The following ZNF112 variants were observed in gnomAD, a reference collection of about 807,000 sequenced individuals.
ZNF112 encodes zinc finger protein 112 (Y14).
A neutral mutation model predicts 77.7 loss-of-function variants in ZNF112; 37 were observed. That is an observed-to-expected ratio of 0.48 (90% CI 0.37 to 0.63). The LOEUF is 0.63. ZNF112 is among the 20% of genes least tolerant of loss of function. ZNF112 has a pLI of 0.00. For synonymous variants in ZNF112, 333 were observed against 363.6 expected (o/e 0.92, Z 0.96); for missense variants, 950 against 1,077.4 (o/e 0.88, Z 1.66).
chr19:44,354,482 T>C (rs1047670021), intron 1 of ZNF112, among the ~76,000 whole-genome samples: 1 of 152,174 alleles, frequency 6.6e-6, no homozygotes, highest in Non-Finnish European at 1.5e-5. Flanking sequence ...TTTTAGATTA[T>C]CAAAACATAA....
At chr19:44,354,292 G>A (rs958444456) in intron 1 of ZNF112, among the ~76,000 whole-genome samples, 16 of 152,022 alleles carry the variant, frequency 1.1e-4, no homozygotes, top group Admixed American at 4.6e-4. Flanking sequence ...TACGGTAGTC[G>A]TTATACAAAC....
chr19:44,358,945 T>TA (rs1394518984), upstream of ZNF112, among the ~76,000 whole-genome samples: 4 of 152,136 alleles, frequency 2.6e-5, no homozygotes, highest in African/African-American at 9.7e-5. Context: ...AGATATACTA[T>TA]ATCCTGTGCC....
At chr19:44,343,382 G>C in intron 1 of ZNF112, 7 of 1,191,372 alleles carry the variant, frequency 5.9e-6, no homozygotes, top group Non-Finnish European at 7.3e-6. Flanking sequence ...AGAAAAAGGT[G>C]TCCCTTCCCC....
At position 44,353,277 on chromosome 19, in the gene ZNF112, A is replaced by C. The variant is rs189705422; in HGVS notation, c.-4+3349T>G. On this transcript the variant is annotated intron_variant, in intron 1 of 3. Transcript: ENST00000354340. ...AAAAGTTAAAATGGATCACAGATTT[A>C]AGTGTAAAACCATAAAACTTCTAGA... Among the ~76,000 whole-genome samples, 49 of 152,248 alleles carry C rather than the reference A, an allele frequency of 3.2e-4. 1 individual carries two copies. Among genetic ancestry groups the C allele is most frequent in the African/African-American group, 1.1e-3 (46 of 41,578 alleles).
rs147887844 is a variant in ZNF112, at chr19:44,329,755, G to A, written c.402C>T (p.Leu134=). 3.2e-5 allele frequency: 51 copies of A among 1,613,978 alleles called. No homozygotes were observed. In the African/African-American group the frequency reaches 4.4e-4, roughly 14 times the overall value. Residue 134 remains leucine, a synonymous_variant, in exon 4 of 4, where the codon CTC becomes CTT. Coordinates refer to ENST00000354340, the MANE Select transcript of ZNF112 (RefSeq NM_013380.4). ...CTGGTATTCCTGCCCAAACCTGGCC[G>A]AGGGAATTACCTTGTTCTTGCAACT... ...NSQLQEQGNS[L]GQVWAGIPVQ...
intron 1 of ZNF112, among the ~76,000 whole-genome samples, chr19:44,362,129 A>T (rs1213583437): frequency 1.3e-5 from 2 of 152,312 alleles, no homozygotes; most frequent in Non-Finnish European, 2.9e-5. Context: ...GGATTAGAGA[A>T]GGAAGCAGAT....
chr19:44,346,430 G>A (rs533542269), intron 1 of ZNF112, among the ~76,000 whole-genome samples: 47 of 152,266 alleles, frequency 3.1e-4, no homozygotes, highest in South Asian at 1.7e-3. Flanking sequence ...TCATCACTAT[G>A]AAATAAATCT....
In ZNF112 at chr19:44,346,418, T is replaced by C; in HGVS notation, c.-3-5876A>G. On this transcript the variant is annotated intron_variant, in intron 1 of 3. Transcript: ENST00000354340. ...TAGCCATTGTTACTACCATCTTCATTATCATCACTATGAAATAAATCTAGA... is the reference window on the plus strand; with the variant it reads ...TAGCCATTGTTACTACCATCTTCATCATCATCACTATGAAATAAATCTAGA... Among the ~76,000 whole-genome samples the C allele has an allele frequency of 1.3e-5, 2 of 152,236 alleles. 1 individual carries two copies. Among genetic ancestry groups the C allele is most frequent in the Non-Finnish European group, 2.9e-5 (2 of 68,044 alleles).
In ZNF112 at chr19:44,329,374, G is replaced by A. The variant is rs10419801; in HGVS notation, c.783C>T (p.Phe261=). 6,297 of 1,613,762 alleles carry A rather than the reference G, an allele frequency of 3.9e-3. 207 individuals are homozygous for A. In the African/African-American group the frequency reaches 0.074, roughly 19 times the overall value. The part of the protein sequence containing the change: ...PYPCTGYRKA[F]SNDSSSEVHQ... Reference sequence around the variant, plus strand: ...GAACCTCAGAGCTGGAGTCATTACTGAAGGCTTTTCTATACCCAGTACATG... The same window carrying A: ...GAACCTCAGAGCTGGAGTCATTACTAAAGGCTTTTCTATACCCAGTACATG... The change falls in exon 4 of 4, where the codon TTC becomes TTT. Residue 261 remains phenylalanine, a synonymous_variant. Coordinates refer to ENST00000354340, the MANE Select transcript of ZNF112 (RefSeq NM_013380.4).
At chr19:44,333,789 A>G (rs1255848312) in intron 3 of ZNF112, among the ~76,000 whole-genome samples, 1 of 152,188 alleles carries the variant, frequency 6.6e-6, no homozygotes, top group Non-Finnish European at 1.5e-5. Flanking sequence ...TTTATAAATT[A>G]CCTGGTCTCA....
intron 3 of ZNF112, among the ~76,000 whole-genome samples, chr19:44,334,970 G>A (rs1599917290): frequency 1.3e-5 from 2 of 152,338 alleles, no homozygotes; most frequent in East Asian, 3.9e-4. Context: ...TGAGAAGAGG[G>A]CCACCGTCCT....
intron 3 of ZNF112, among the ~76,000 whole-genome samples, chr19:44,331,435 A>G (rs1970268786): frequency 6.6e-6 from 1 of 152,244 alleles, no homozygotes; most frequent in African/African-American, 2.4e-5. Context: ...GATTATAAGC[A>G]GACAGCAGAT....
At chr19:44,362,446 A>G (rs1040842303) in intron 1 of ZNF112, among the ~76,000 whole-genome samples, 2 of 152,188 alleles carry the variant, frequency 1.3e-5, no homozygotes, top group African/African-American at 4.8e-5. Context: ...CTAATAAAAT[A>G]TAAAAATAAT....
chr19:44,348,871 A>G (rs1008033153), intron 1 of ZNF112, among the ~76,000 whole-genome samples: 46 of 152,116 alleles, frequency 3.0e-4, no homozygotes, highest in Non-Finnish European at 2.9e-5. Context: ...GACGTAGTAA[A>G]CCTAAGACAG....
Position 44,367,134 on chromosome 19 carries a change from A to G in ZNF112, c.-37T>C, listed in dbSNP as rs546520428. ...AGCCGCGGATGCTCTTCTCGAAGAC[A>G]AGGAGGGCCGCCGCCAGGCTAAACG... On this transcript the variant is annotated 5_prime_UTR_variant, in exon 1 of 5. Coordinates refer to the ZNF112 transcript ENST00000588057. 279 of 456,198 alleles carry G rather than the reference A, an allele frequency of 6.1e-4. 5 individuals carry two copies. The highest frequency in any genetic ancestry group is 4.2e-3 in the South Asian group (273 of 64,562). 28.3% of individuals were successfully genotyped at this position (456,198 alleles called of 1,614,324 possible).
chr19:44,364,417 A>C (rs1157438213), intron 1 of ZNF112, among the ~76,000 whole-genome samples: 1 of 152,196 alleles, frequency 6.6e-6, no homozygotes, highest in Non-Finnish European at 1.5e-5. Flanking sequence ...GTATTGTACA[A>C]GTCTTTATAT....
intron 1 of ZNF112, among the ~76,000 whole-genome samples, chr19:44,366,010 A>G (rs1970900617): frequency 6.6e-6 from 1 of 152,164 alleles, no homozygotes; most frequent in Non-Finnish European, 1.5e-5. Context: ...CCAAAGAAAC[A>G]GTCAGTTATG....
At position 44,327,144 on chromosome 19, in the gene ZNF112, A is replaced by G. The variant is rs963533353; in HGVS notation, c.*289T>C. ...AATGAACAAAGTCCCTTCTTTCACCAAGCTTACATTCTAGAGAACATGGAT... is the reference window on the plus strand; with the variant it reads ...AATGAACAAAGTCCCTTCTTTCACCGAGCTTACATTCTAGAGAACATGGAT... On this transcript the variant is annotated 3_prime_UTR_variant, in exon 4 of 4. Transcript: ENST00000354340. The G allele has an allele frequency of 1.5e-5, 4 of 265,562 alleles. No homozygotes were observed. Among genetic ancestry groups the G allele is most frequent in the African/African-American group, 8.8e-5 (4 of 45,454 alleles). The allele number at this position is 265,562 out of a possible 1,614,324, so 16.5% of individuals were successfully genotyped here.
At chr19:44,333,223 A>G (rs1260704820) in intron 3 of ZNF112, among the ~76,000 whole-genome samples, 1 of 152,218 alleles carries the variant, frequency 6.6e-6, no homozygotes, top group African/African-American at 2.4e-5. Flanking sequence ...TGAATTTAAT[A>G]GTTAGCTATA....
Sources: allele counts gnomAD v4.1 joint callset (sites outside exome capture counted in the v4.1 genomes callset), GRCh38; gene constraint gnomAD v4.1.1; transcripts MANE v1.5; gene names NCBI Gene and HGNC (gene_info 2026-07-23, HGNC 2026-07-21).